Variants in KCNQ5 observed in about 807,000 individuals in gnomAD.
KCNQ5 encodes potassium voltage-gated channel subfamily Q member 5, also known as potassium voltage-gated channel subfamily KQT member 5.
KCNQ5 carries 30 observed loss-of-function variants against 98.2 expected under a neutral mutation model. The observed-to-expected ratio is 0.31, with a 90% confidence interval of 0.23 to 0.41. The LOEUF (loss-of-function observed/expected upper bound fraction) is 0.41. Among genes scored for constraint, KCNQ5 ranks in the 10% least tolerant of loss-of-function variants. The probability of loss-of-function intolerance (pLI) is 1.00; values close to 1 mark genes in which losing one functional copy is unlikely to be tolerated. For synonymous variants in KCNQ5, 458 were observed against 449.4 expected (o/e 1.02, Z -0.24); for missense variants, 835 against 1,182.5 (o/e 0.71, Z 4.31).
rs1307095392 is a variant in KCNQ5 at position 72,697,586 on chromosome 6, G to A, written c.398+74999G>A. ...GAAGAAATTAGGATATAATTCCTTAGGTTTCTGTGAAAAATAAGCAAGGCA... is the reference window on the plus strand; with the variant it reads ...GAAGAAATTAGGATATAATTCCTTAAGTTTCTGTGAAAAATAAGCAAGGCA... On this transcript the variant is annotated intron_variant, in intron 1 of 13. Transcript: ENST00000370398. 2.6e-5 allele frequency among the ~76,000 whole-genome samples: 4 copies of A among 152,264 alleles called. No individual in the cohort carries two copies. The East Asian group carries it at 7.7e-4, about 29-fold the overall frequency.
chr6:72,923,621 G>C (rs1780500125), intron 1 of KCNQ5, among the ~76,000 whole-genome samples: 1 of 152,122 alleles, frequency 6.6e-6, no homozygotes, highest in Admixed American at 6.6e-5. Context: ...TACATATGCA[G>C]GTTTGTTACA....
chr6:72,640,393 G>C (rs1030039687), intron 1 of KCNQ5, among the ~76,000 whole-genome samples: 1 of 148,072 alleles, frequency 6.8e-6, no homozygotes, highest in Non-Finnish European at 1.5e-5. Context: ...AGCCTCTTCA[G>C]AGGAGGAAAT....
At chr6:72,773,445 C>T (rs943095279) in intron 1 of KCNQ5, among the ~76,000 whole-genome samples, 12 of 151,970 alleles carry the variant, frequency 7.9e-5, no homozygotes, top group African/African-American at 2.9e-4. Flanking sequence ...CACACCAGGG[C>T]CTGTCAGGGG....
intron 1 of KCNQ5, among the ~76,000 whole-genome samples, chr6:72,725,016 T>A (rs1173634160): frequency 6.6e-6 from 1 of 152,194 alleles, no homozygotes; most frequent in East Asian, 1.9e-4. Flanking sequence ...AAGATAAAAT[T>A]AACCACCTAT....
chr6:72,923,274 G>A (rs932224548), intron 1 of KCNQ5, among the ~76,000 whole-genome samples: 14 of 152,140 alleles, frequency 9.2e-5, no homozygotes, highest in African/African-American at 2.9e-4. Context: ...TAGATCATGC[G>A]ATAATTCTAG....
chr6:73,023,697 GT>G (rs1228479501), intron 2 of KCNQ5, among the ~76,000 whole-genome samples: 1 of 152,182 alleles, frequency 6.6e-6, no homozygotes, highest in Non-Finnish European at 1.5e-5. Context: ...CATTTAACTT[GT>G]TAGAGTATTA....
At chr6:72,931,580 A>G (rs78303455) in intron 1 of KCNQ5, among the ~76,000 whole-genome samples, 8 of 152,312 alleles carry the variant, frequency 5.3e-5, no homozygotes, top group African/African-American at 1.9e-4. Flanking sequence ...GAACCTAGAA[A>G]GTTAAATCCT....
chr6:72,973,578 A>T (rs1582117708), intron 1 of KCNQ5, among the ~76,000 whole-genome samples: 1 of 152,310 alleles, frequency 6.6e-6, no homozygotes, highest in East Asian at 1.9e-4. Context: ...TTTTACAGTG[A>T]TGTAAAAGTT....
intron 3 of KCNQ5, among the ~76,000 whole-genome samples, chr6:73,068,582 A>T (rs997371150): frequency 6.6e-6 from 1 of 152,166 alleles, no homozygotes; most frequent in Non-Finnish European, 1.5e-5. Flanking sequence ...CATTTTACAG[A>T]TAAAGAAACT....
chr6:72,838,216 A>G (rs1480964386), intron 1 of KCNQ5, among the ~76,000 whole-genome samples: 1 of 150,398 alleles, frequency 6.6e-6, no homozygotes, highest in Non-Finnish European at 1.5e-5. Context: ...AATGTCCGAG[A>G]CTTCAGTAGC....
At chr6:72,794,872 T>C (rs887208672) in intron 1 of KCNQ5, among the ~76,000 whole-genome samples, 4 of 152,210 alleles carry the variant, frequency 2.6e-5, no homozygotes, top group African/African-American at 9.6e-5. Context: ...TTAAGTTTCA[T>C]TTGGTTGCAA....
intron 1 of KCNQ5, among the ~76,000 whole-genome samples, chr6:72,918,511 C>T (rs1054009421): frequency 6.6e-5 from 10 of 151,846 alleles, no homozygotes; most frequent in Non-Finnish European, 1.2e-4. Context: ...AGGAAAGGCA[C>T]ATTTTATTCC....
chr6:72,916,182 T>A (rs2150211130), intron 1 of KCNQ5, among the ~76,000 whole-genome samples: 1 of 152,328 alleles, frequency 6.6e-6, no homozygotes, highest in African/African-American at 2.4e-5. Context: ...GTTTCTATGG[T>A]AGCAATTTCT....
intron 1 of KCNQ5, among the ~76,000 whole-genome samples, chr6:72,972,587 T>C (rs1293323004): frequency 4.0e-5 from 6 of 150,272 alleles, no homozygotes. Context: ...AGTGAGAACA[T>C]ATGGTGTTTG....
At chr6:72,812,971 A>G (rs1775314704) in intron 1 of KCNQ5, among the ~76,000 whole-genome samples, 1 of 152,188 alleles carries the variant, frequency 6.6e-6, no homozygotes, top group African/African-American at 2.4e-5. Flanking sequence ...TCTATTGATA[A>G]TTAATTTATA....
intron 1 of KCNQ5, among the ~76,000 whole-genome samples, chr6:72,730,839 G>GA (rs11304697): frequency 2.3e-4 from 33 of 146,624 alleles, no homozygotes; most frequent in Admixed American, 4.7e-4. Context: ...TTTGTTCTGA[G>GA]AAAAAAAAAA....
At chr6:72,951,141 T>G (rs1766782647) in intron 1 of KCNQ5, among the ~76,000 whole-genome samples, 1 of 152,226 alleles carries the variant, frequency 6.6e-6, no homozygotes, top group South Asian at 2.1e-4. Context: ...AGTGTGGATA[T>G]TGTCCCAATG....
intron 10 of KCNQ5, among the ~76,000 whole-genome samples, chr6:73,161,818 A>G (rs1026241310): frequency 6.6e-6 from 1 of 152,200 alleles, no homozygotes; most frequent in Admixed American, 6.5e-5. Flanking sequence ...TCTCTTCATC[A>G]TCTCAAGTCC....
intron 10 of KCNQ5, chr6:73,157,948 C>G: frequency 2.6e-6 from 2 of 768,852 alleles, no homozygotes; most frequent in Non-Finnish European, 4.8e-6. Flanking sequence ...GGCTGTCTCG[C>G]GGTGAGCTTG....
Sources: allele counts gnomAD v4.1 joint callset (sites outside exome capture counted in the v4.1 genomes callset), GRCh38; gene constraint gnomAD v4.1.1; transcripts MANE v1.5; gene names NCBI Gene and HGNC (gene_info 2026-07-23, HGNC 2026-07-21).